The following SLX4IP variants were observed in gnomAD, a reference collection of about 807,000 sequenced individuals.
The protein encoded by SLX4IP is SLX4 interacting protein.
Under a neutral mutation model 32.9 loss-of-function variants are expected in SLX4IP, and 34 were observed. The observed-to-expected ratio is 1.03, with a 90% CI of 0.79 to 1.38. The LOEUF is 1.38. Ranked by LOEUF, SLX4IP falls within the 40% of genes most tolerant of loss-of-function variation. The pLI, the probability that SLX4IP is intolerant of heterozygous loss-of-function variation, is 0.00. For missense variants in SLX4IP, 444 were observed against 479.0 expected (o/e 0.93, Z 0.68); for synonymous variants, 172 against 171.7 (o/e 1.00, Z -0.01).
intron 6 of SLX4IP, among the ~76,000 whole-genome samples, chr20:10,616,954 C>T (rs1255624933): frequency 1.3e-5 from 2 of 152,198 alleles, no homozygotes; most frequent in African/African-American, 4.8e-5. Flanking sequence ...TTGGATTACT[C>T]TGTCGGATTC....
intron 4 of SLX4IP, among the ~76,000 whole-genome samples, chr20:10,574,166 T>G (rs551285391): frequency 1.3e-5 from 2 of 152,354 alleles, no homozygotes; most frequent in South Asian, 4.1e-4. Flanking sequence ...TCACCTGTTA[T>G]GGACATAGCC....
intron 4 of SLX4IP, among the ~76,000 whole-genome samples, chr20:10,574,439 A>G (rs1224705122): frequency 9.9e-5 from 15 of 152,186 alleles, no homozygotes; most frequent in Admixed American, 9.8e-4. Flanking sequence ...TCAGAAAGAT[A>G]ATTTTTCCAT....
At chr20:10,447,898 T>G (rs1437585797) in intron 1 of SLX4IP, among the ~76,000 whole-genome samples, 2 of 145,432 alleles carry the variant, frequency 1.4e-5, no homozygotes, top group African/African-American at 5.1e-5. Context: ...AGAGATAGGG[T>G]CTCACTTTGT....
At chr20:10,601,453 A>T (rs2066840555) in intron 5 of SLX4IP, among the ~76,000 whole-genome samples, 1 of 152,194 alleles carries the variant, frequency 6.6e-6, no homozygotes, top group Non-Finnish European at 1.5e-5. Context: ...ACTGACACAG[A>T]GGGGAGGCTA....
At chr20:10,469,703 T>A (rs1481597880) in intron 2 of SLX4IP, among the ~76,000 whole-genome samples, 1 of 152,154 alleles carries the variant, frequency 6.6e-6, no homozygotes, top group African/African-American at 2.4e-5. Flanking sequence ...GTAGGGGGCA[T>A]CATTGTTCCA....
chr20:10,459,504 G>A (rs556571418), intron 2 of SLX4IP, among the ~76,000 whole-genome samples: 298 of 152,290 alleles, frequency 2.0e-3, no homozygotes, highest in African/African-American at 7.0e-3. Flanking sequence ...TGGTTATGAG[G>A]CGTTCCTTGC....
chr20:10,451,908 C>T (rs1377797324), intron 1 of SLX4IP, among the ~76,000 whole-genome samples: 1 of 151,920 alleles, frequency 6.6e-6, no homozygotes, highest in Non-Finnish European at 1.5e-5. Context: ...GTGGAAGTTG[C>T]AGTGAGCCAA....
intron 6 of SLX4IP, among the ~76,000 whole-genome samples, chr20:10,609,934 A>T (rs994747537): frequency 2.3e-5 from 2 of 88,582 alleles, no homozygotes; most frequent in South Asian, 7.2e-4. Context: ...CCTTAAAATT[A>T]AAAAAAAAAT....
At chr20:10,488,641 G>A (rs1250775420) in intron 2 of SLX4IP, among the ~76,000 whole-genome samples, 1 of 152,088 alleles carries the variant, frequency 6.6e-6, no homozygotes, top group African/African-American at 2.4e-5. Context: ...TAACAGTATT[G>A]GGGTAGATGA....
Position 10,595,010 on chromosome 20 carries a change from T to C in SLX4IP, c.239-3665T>C, listed in dbSNP as rs1298556835. Among the ~76,000 whole-genome samples the C allele has an allele frequency of 2.0e-5, 3 of 152,032 alleles. No homozygotes were observed. The East Asian group carries it at 5.8e-4, about 29-fold the overall frequency. ...TGAGGCTTCATGCTTTGGAGGTTGT[T>C]TGTAGAAGGATAAGGAGAAGTGCAA... On this transcript the variant is annotated intron_variant, in intron 4 of 7. Transcript: ENST00000334534.
chr20:10,600,760 A>C (rs2066831662), intron 5 of SLX4IP, among the ~76,000 whole-genome samples: 1 of 152,194 alleles, frequency 6.6e-6, no homozygotes, highest in African/African-American at 2.4e-5. Context: ...AATTGGTCTC[A>C]TGTAAGAGGG....
intron 2 of SLX4IP, among the ~76,000 whole-genome samples, chr20:10,515,079 CTTTTTTTTTT>C (rs35576843): frequency 2.4e-5 from 2 of 82,920 alleles, no homozygotes; most frequent in Non-Finnish European, 4.4e-5. Flanking sequence ...TAAGTTGAAG[CTTTTTTTTTT>C]TTTTTTTTTT....
rs897297185 is a variant in SLX4IP, at chr20:10,625,055, A to G, written c.*1676A>G. ...CAGCGGAACCCAGTCAGGGGATTCT[A>G]TAGGAGAAGAGGGAGCCCAACAGAA... On this transcript the variant is annotated 3_prime_UTR_variant, in exon 8 of 8. Transcript: ENST00000334534. The G allele has an allele frequency of 2.6e-5, 4 of 152,140 alleles. No homozygotes were observed. The highest frequency in any genetic ancestry group is 2.1e-4 in the South Asian group (1 of 4,814). The allele number at this position is 152,140 out of a possible 1,614,324, so 9.4% of individuals were successfully genotyped here.
At chr20:10,479,700 C>T (rs1315018988) in intron 2 of SLX4IP, among the ~76,000 whole-genome samples, 1 of 149,990 alleles carries the variant, frequency 6.7e-6, no homozygotes, top group South Asian at 2.2e-4. Flanking sequence ...CATCCAGGCT[C>T]TTATTTAAAA....
intron 3 of SLX4IP, among the ~76,000 whole-genome samples, chr20:10,559,780 C>G (rs907554433): frequency 6.6e-6 from 1 of 152,136 alleles, no homozygotes; most frequent in African/African-American, 2.4e-5. Flanking sequence ...TGAATTAAAA[C>G]CATGTGTTTC....
rs142817507 is a variant in SLX4IP at position 10,442,837 on chromosome 20, A to C, written c.-30+7384A>C. Among the ~76,000 whole-genome samples, 389 of 152,370 alleles carry C rather than the reference A, an allele frequency of 2.6e-3. 2 individuals carry two copies. The highest frequency in any genetic ancestry group is 0.02 in the Middle Eastern group (6 of 294). ...TTTTAATGATCAGTAAAAAAAATTT[A>C]GAAAAGCCTCAGGATGTTCCTTGAT... is the stretch of plus-strand genomic sequence containing the variant. On this transcript the variant is annotated intron_variant, in intron 1 of 7. Transcript: ENST00000334534.
In SLX4IP at chr20:10,621,326, C is replaced by A; in HGVS notation, c.418C>A (p.Leu140Ile). The A allele has an allele frequency of 6.2e-7, 1 of 1,614,122 alleles. No individual in the cohort carries two copies. The highest frequency in any genetic ancestry group is 8.5e-7 in the Non-Finnish European group (1 of 1,179,976). ...TCTTTTGGAGTAGACAGAAAGAGTT[C>A]TCCATGGAGTGTCTGATTACTTTGC... ...SQNEDLTERV[L>I]HGVSDYFAEC... Residue 140 changes from leucine (L) to isoleucine (I), a missense_variant, in exon 7 of 8, where the codon CTC (leucine) becomes ATC (isoleucine). Transcript: ENST00000334534.
chr20:10,452,887 T>G (rs1334393935), intron 1 of SLX4IP, among the ~76,000 whole-genome samples: 11 of 151,676 alleles, frequency 7.3e-5, no homozygotes, highest in Non-Finnish European at 1.6e-4. Flanking sequence ...GTAAAAAATT[T>G]TATTAAAAAA....
chr20:10,474,628 G>A (rs1014887699), intron 2 of SLX4IP, among the ~76,000 whole-genome samples: 2 of 152,254 alleles, frequency 1.3e-5, no homozygotes, highest in Non-Finnish European at 2.9e-5. Context: ...AGGAAGGCCA[G>A]ATGGGCCTTG....
Sources: allele counts gnomAD v4.1 joint callset (sites outside exome capture counted in the v4.1 genomes callset), GRCh38; gene constraint gnomAD v4.1.1; transcripts MANE v1.5; gene names NCBI Gene and HGNC (gene_info 2026-07-23, HGNC 2026-07-21).